SHANK2: variants seen among roughly 807,000 people sequenced by gnomAD.
The protein encoded by SHANK2 is SH3 and multiple ankyrin repeat domains 2.
SHANK2 carries 43 observed loss-of-function variants against 133.7 expected under a neutral mutation model. The observed-to-expected ratio is 0.32, with a 90% CI of 0.25 to 0.41. The LOEUF (loss-of-function observed/expected upper bound fraction) is 0.41. SHANK2 is among the 10% of genes least tolerant of loss of function. The pLI is 1.00. For missense variants in SHANK2, 1,994 were observed against 2,235.8 expected, an observed-to-expected ratio of 0.89 and a Z score of 2.18; for synonymous variants, 1,017 against 952.8, an observed-to-expected ratio of 1.07 and a Z score of -1.24.
chr11:70,498,282 T>G (rs2059001067), intron 21 of SHANK2, among the ~76,000 whole-genome samples: 1 of 152,248 alleles, frequency 6.6e-6, no homozygotes. Flanking sequence ...CGCCAGATGT[T>G]AGAGGACAGA....
intron 17 of SHANK2, among the ~76,000 whole-genome samples, chr11:70,580,708 C>T (rs553073705): frequency 2.6e-5 from 4 of 152,354 alleles, no homozygotes; most frequent in Admixed American, 6.5e-5. Flanking sequence ...GCCGCTTCCC[C>T]GCTGCTGGCT....
intron 11 of SHANK2, among the ~76,000 whole-genome samples, chr11:70,886,912 A>C (rs1272547466): frequency 6.6e-6 from 1 of 152,168 alleles, no homozygotes; most frequent in Non-Finnish European, 1.5e-5. Context: ...TAAAATATAA[A>C]AACCCCTCGC....
chr11:71,245,231 C>T (rs1416730766), intron 1 of SHANK2, among the ~76,000 whole-genome samples: 2 of 152,112 alleles, frequency 1.3e-5, no homozygotes, highest in African/African-American at 4.8e-5. Flanking sequence ...CCTCCTGCCT[C>T]AGCCTCCCAA....
chr11:70,516,864 G>C (rs1591527213), intron 17 of SHANK2, among the ~76,000 whole-genome samples: 1 of 152,190 alleles, frequency 6.6e-6, no homozygotes. Flanking sequence ...AGTGAGGTCA[G>C]GAGTTCAAGA....
chr11:70,659,842 C>T lies in SHANK2; in HGVS notation c.2047G>A (p.Asp683Asn). Reference sequence around the variant, plus strand: ...TGTGTCCCTACCTCAATCAAGAAGTCCCCGGTCCTTAGTCCGGCTTGCCAC... The same window carrying T: ...TGTGTCCCTACCTCAATCAAGAAGTTCCCGGTCCTTAGTCCGGCTTGCCAC... Reference protein sequence around the residue: ...VAWQAGLRTGDFLIEVNNENV... With the variant: ...VAWQAGLRTGNFLIEVNNENV... Residue 683 changes from aspartate (D) to asparagine (N), a missense_variant, in exon 17 of 26, where the codon GAC becomes AAC. Coordinates refer to ENST00000601538, the MANE Select transcript of SHANK2 (RefSeq NM_012309.5). 1 of 1,614,152 alleles carries T rather than the reference C, an allele frequency of 6.2e-7. No homozygotes were observed. The highest frequency in any genetic ancestry group is 8.5e-7 in the Non-Finnish European group (1 of 1,180,020).
chr11:71,078,090 T>C (rs1951245126), intron 8 of SHANK2, among the ~76,000 whole-genome samples: 1 of 151,572 alleles, frequency 6.6e-6, no homozygotes, highest in South Asian at 2.1e-4. Context: ...TCAGGCTCCT[T>C]GGAGAAGCAG....
intron 2 of SHANK2, among the ~76,000 whole-genome samples, chr11:71,189,684 G>T (rs1355393702): frequency 6.6e-6 from 1 of 152,236 alleles, no homozygotes; most frequent in East Asian, 1.9e-4. Flanking sequence ...GAGCCACCGT[G>T]CCTGGCCATG....
chr11:71,215,638 G>A (rs905123808), intron 2 of SHANK2, among the ~76,000 whole-genome samples: 5 of 152,176 alleles, frequency 3.3e-5, no homozygotes, highest in African/African-American at 7.2e-5. Flanking sequence ...ATAGCCATCC[G>A]TGGCACAGTG....
In SHANK2 at chr11:70,519,493, T is replaced by G. The variant is rs112614974; in HGVS notation, c.2062-16562A>C. Among the ~76,000 whole-genome samples the G allele has an allele frequency of 1.6e-4, 25 of 152,118 alleles. 1 individual carries two copies. Among genetic ancestry groups the G allele is most frequent in the African/African-American group, 5.5e-4 (23 of 41,504 alleles). On this transcript the variant is annotated intron_variant, in intron 17 of 25. Coordinates refer to ENST00000601538, the MANE Select transcript of SHANK2 (RefSeq NM_012309.5). ...AGAAACCCTATCTCTACTAAAAATA[T>G]AAAATTAGCTCGACGTGGTAGTGCA...
intron 17 of SHANK2, among the ~76,000 whole-genome samples, chr11:70,551,072 C>T (rs1047430359): frequency 6.6e-6 from 1 of 152,150 alleles, no homozygotes; most frequent in African/African-American, 2.4e-5. Flanking sequence ...CCCTCCCACC[C>T]CCTCCGAGAC....
At chr11:70,906,491 C>T (rs1338195800) in intron 10 of SHANK2, among the ~76,000 whole-genome samples, 3 of 152,174 alleles carry the variant, frequency 2.0e-5, no homozygotes, top group South Asian at 2.1e-4. Context: ...GCCACTCCAC[C>T]GCCCCGACGA....
chr11:70,793,106 T>C (rs1208287889), intron 14 of SHANK2, among the ~76,000 whole-genome samples: 1 of 152,044 alleles, frequency 6.6e-6, no homozygotes, highest in African/African-American at 2.4e-5. Context: ...AAAGAATAAT[T>C]TGGATTAGAT....
intron 17 of SHANK2, among the ~76,000 whole-genome samples, chr11:70,657,146 A>C (rs1555011823): frequency 6.6e-6 from 1 of 152,208 alleles, no homozygotes; most frequent in South Asian, 2.1e-4. Flanking sequence ...TTCTTTCAAA[A>C]TAGCAGAGAG....
chr11:71,146,833 T>C (rs1334094841), intron 3 of SHANK2, among the ~76,000 whole-genome samples: 1 of 152,194 alleles, frequency 6.6e-6, no homozygotes, highest in African/African-American at 2.4e-5. Context: ...CCTCTGGGAC[T>C]CTTGCTTCAG....
chr11:70,592,022 G>T (rs1291110630), intron 17 of SHANK2, among the ~76,000 whole-genome samples: 1 of 151,274 alleles, frequency 6.6e-6, no homozygotes, highest in East Asian at 1.9e-4. Flanking sequence ...GATAGAGCGA[G>T]ACTCCGTCTA....
intron 18 of SHANK2, among the ~76,000 whole-genome samples, 163 bp downstream of exon 18, chr11:70,502,633 G>T (rs545127952): frequency 3.9e-5 from 6 of 152,052 alleles, no homozygotes; most frequent in Non-Finnish European, 7.4e-5. Context: ...AGTCATTGTC[G>T]TGGGCTCTGG....
chr11:70,774,275 G>A (rs1442786608), intron 14 of SHANK2, among the ~76,000 whole-genome samples: 5 of 151,992 alleles, frequency 3.3e-5, no homozygotes, highest in Admixed American at 2.6e-4. Flanking sequence ...TGAGAAAGTG[G>A]AGTCATGGTT....
intron 14 of SHANK2, among the ~76,000 whole-genome samples, chr11:70,719,522 G>T (rs1408441117): frequency 6.6e-6 from 1 of 152,146 alleles, no homozygotes; most frequent in Non-Finnish European, 1.5e-5. Flanking sequence ...ATGCAGCATG[G>T]TGGAGGGGTG....
At chr11:71,128,834 G>A (rs1211639900) in intron 3 of SHANK2, among the ~76,000 whole-genome samples, 1 of 152,166 alleles carries the variant, frequency 6.6e-6, no homozygotes, top group Non-Finnish European at 1.5e-5. Flanking sequence ...CGCCAGGCTG[G>A]AGTGCAGTGG....
Sources: allele counts gnomAD v4.1 joint callset (sites outside exome capture counted in the v4.1 genomes callset), GRCh38; gene constraint gnomAD v4.1.1; transcripts MANE v1.5; gene names NCBI Gene and HGNC (gene_info 2026-07-23, HGNC 2026-07-21).